The following SYNE2 variants were observed in gnomAD, a reference collection of about 807,000 sequenced individuals.
SYNE2 encodes spectrin repeat containing nuclear envelope protein 2, also known as nesprin-2.
SYNE2 carries 431 observed loss-of-function variants against 856.3 expected under a neutral mutation model. The observed-to-expected ratio is 0.50, with a 90% CI of 0.47 to 0.55. The LOEUF is 0.55. Among genes scored for constraint, SYNE2 ranks in the 20% least tolerant of loss-of-function variants. The probability of loss-of-function intolerance (pLI) is 0.00; values close to 1 mark genes in which losing one functional copy is unlikely to be tolerated. For synonymous variants in SYNE2, 2,923 were observed against 2,872.3 expected (o/e 1.02, Z -0.56); for missense variants, 8,129 against 8,023.2 (o/e 1.01, Z -0.50).
intron 1 of SYNE2, among the ~76,000 whole-genome samples, chr14:63,839,849 A>G (rs575910857): frequency 1.3e-5 from 2 of 152,342 alleles, no homozygotes; most frequent in East Asian, 3.9e-4. Context: ...TAAAAAGATA[A>G]TTTTATCTTC....
chr14:63,947,831 C>G (rs904184974), intron 6 of SYNE2, among the ~76,000 whole-genome samples: 4 of 151,638 alleles, frequency 2.6e-5, no homozygotes, highest in Non-Finnish European at 4.4e-5. Context: ...GAGTGAAACT[C>G]TGTCTAAAAA....
At chr14:63,806,101 ATGTTGGC>A (rs1230095751) in intron 1 of SYNE2, among the ~76,000 whole-genome samples, 1 of 152,076 alleles carries the variant, frequency 6.6e-6, no homozygotes, top group African/African-American at 2.4e-5. Context: ...GTTCAGTATG[ATGTTGGC>A]TGTGGGTTTG....
At chr14:64,075,168 A>C (rs375029735) in intron 53 of SYNE2, among the ~76,000 whole-genome samples, 1 of 152,252 alleles carries the variant, frequency 6.6e-6, no homozygotes, top group Non-Finnish European at 1.5e-5. Flanking sequence ...TCTTCAGTAC[A>C]GTGACTCAAT....
chr14:64,039,628 A>G (rs536017651), intron 45 of SYNE2, among the ~76,000 whole-genome samples: 1 of 152,320 alleles, frequency 6.6e-6, no homozygotes, highest in South Asian at 2.1e-4. Flanking sequence ...TAGAATGGTC[A>G]TTTTCCACTT....
intron 31 of SYNE2, 73 bp downstream of exon 31, chr14:64,007,295 G>T: frequency 7.0e-7 from 1 of 1,432,462 alleles, no homozygotes; most frequent in Non-Finnish European, 9.8e-7. Context: ...CAAACTTCTG[G>T]GTTGAAAACA....
intron 94 of SYNE2, among the ~76,000 whole-genome samples, chr14:64,174,181 TG>T (rs907314926): frequency 2.0e-5 from 3 of 152,068 alleles, no homozygotes; most frequent in African/African-American, 7.2e-5. Flanking sequence ...AAGTGATTCT[TG>T]GGACTCAGCC....
chr14:64,042,312 A>C (rs1246533911), intron 45 of SYNE2, among the ~76,000 whole-genome samples: 1 of 152,242 alleles, frequency 6.6e-6, no homozygotes, highest in Non-Finnish European at 1.5e-5. Flanking sequence ...TGAAAGTATA[A>C]AAGTGTGTGT....
chr14:63,807,838 TATATATATATATATATATATATATATA>T (rs1388294232), intron 1 of SYNE2, among the ~76,000 whole-genome samples: 2 of 92,352 alleles, frequency 2.2e-5, no homozygotes, highest in African/African-American at 7.4e-5. Context: ...TATATATATA[TATATATATATATATATATATATATATA>T]ATTTCAATAG....
rs552871021 is a variant in SYNE2 at position 64,137,963 on chromosome 14, T to C, written c.14823T>C (p.Ala4941=). The C allele has an allele frequency of 4.3e-5, 70 of 1,613,966 alleles. No individual in the cohort carries two copies. The African/African-American group carries it at 8.3e-4, about 19-fold the overall frequency. ...ACCATGAGCTCCACAGGCTGCAAGC[T>C]CTTCTCAAGCATCTGCTCAGGTCAG... is the stretch of plus-strand genomic sequence containing the variant. ...KIDHELHRLQ[A]LLKHLLSYNR... is the part of the protein sequence containing the mutation. The change falls in exon 79 of 116, where the codon GCT becomes GCC. Residue 4941 remains alanine, a synonymous_variant. Coordinates refer to ENST00000555002, the MANE Select transcript of SYNE2 (RefSeq NM_182914.3).
chr14:63,789,422 GTTTGCTTTTTCATTC>G (rs2139762056), intron 1 of SYNE2, among the ~76,000 whole-genome samples: 1 of 152,204 alleles, frequency 6.6e-6, no homozygotes, highest in African/African-American at 2.4e-5. Flanking sequence ...GTTTCATTTT[GTTTGCTTTTTCATTC>G]TTTGCACGCC....
chr14:63,942,750 C>T (rs891786577), intron 6 of SYNE2, among the ~76,000 whole-genome samples: 1 of 152,144 alleles, frequency 6.6e-6, no homozygotes, highest in Non-Finnish European at 1.5e-5. Context: ...CCACCTCTGC[C>T]TCCCAAAGTG....
chr14:64,057,890 A>T (rs543849508), intron 49 of SYNE2, among the ~76,000 whole-genome samples: 3 of 152,214 alleles, frequency 2.0e-5, no homozygotes, highest in African/African-American at 7.2e-5. Context: ...ACACCTCTTC[A>T]TATCTGTTTG....
At chr14:64,098,976 T>C (rs1236262851) in intron 63 of SYNE2, 155 bp downstream of exon 63, 5 of 754,318 alleles carry the variant, frequency 6.6e-6, no homozygotes, top group Admixed American at 2.1e-5. Context: ...ATGTTATTAA[T>C]GTTTAAGTGT....
chr14:64,188,496 G>C (rs753774361), intron 97 of SYNE2, 54 bp from the exon 98 acceptor site: 3 of 1,605,360 alleles, frequency 1.9e-6, no homozygotes, highest in African/African-American at 2.7e-5. Context: ...GGGAGAGAAG[G>C]GGGTGCTTTC....
At chr14:64,121,913 G>A in intron 68 of SYNE2, 99 bp from the exon 69 acceptor site, 4 of 1,486,156 alleles carry the variant, frequency 2.7e-6, no homozygotes, top group Non-Finnish European at 3.7e-6. Context: ...AATGATTTAG[G>A]AACTGGCTCA....
intron 18 of SYNE2, among the ~76,000 whole-genome samples, chr14:63,984,843 C>G (rs1468905948): frequency 2.0e-5 from 3 of 152,104 alleles, no homozygotes; most frequent in Admixed American, 6.6e-5. Context: ...GCTTAAAATA[C>G]TAGAGTCTTC....
intron 1 of SYNE2, among the ~76,000 whole-genome samples, chr14:63,811,587 A>G (rs898546992): frequency 6.6e-6 from 1 of 152,198 alleles, no homozygotes; most frequent in Non-Finnish European, 1.5e-5. Context: ...ATATTTTCAG[A>G]TATGACCAGT....
rs1241624008 is a variant in SYNE2 at position 64,126,467 on chromosome 14, G to A, written c.13695G>A (p.Gln4565=). The change falls in exon 72 of 116, where the codon CAG becomes CAA. Residue 4565 remains glutamine (Q), a synonymous_variant. Coordinates refer to ENST00000555002, the MANE Select transcript of SYNE2 (RefSeq NM_182914.3). ...ACAGGGAGGATGGTTCTGGCCAGCA[G>A]GTGCACTACGAGGTAGGGCACTTCT... is the stretch of plus-strand genomic sequence containing the variant. ...RLYREDGSGQ[Q]VHYETLALEL... is the part of the protein sequence containing the mutation. The A allele has an allele frequency of 6.2e-7, 1 of 1,614,146 alleles. No individual in the cohort carries two copies. Among genetic ancestry groups the A allele is most frequent in the East Asian group, 2.2e-5 (1 of 44,876 alleles).
In SYNE2 at chr14:63,786,503, G is replaced by A. The variant is rs1295774739; in HGVS notation, c.-305+24517G>A. Among the ~76,000 whole-genome samples the A allele has an allele frequency of 2.6e-5, 4 of 152,218 alleles. No homozygotes were observed. The East Asian group carries it at 7.7e-4, about 29-fold the overall frequency. On this transcript the variant is annotated intron_variant, in intron 1 of 23. Coordinates refer to the SYNE2 transcript ENST00000674003. ...CTACTTTCATCATTTATAACTGATT[G>A]TTTTGATGTTTACTGCCATGTCTTT...
Sources: allele counts gnomAD v4.1 joint callset (sites outside exome capture counted in the v4.1 genomes callset), GRCh38; gene constraint gnomAD v4.1.1; transcripts MANE v1.5; gene names NCBI Gene and HGNC (gene_info 2026-07-23, HGNC 2026-07-21).